Variants in FREM2 observed in about 807,000 individuals in gnomAD.
The protein encoded by FREM2 is FRAS1 related extracellular matrix 2, also known as FRAS1-related extracellular matrix protein 2.
FREM2 carries 119 observed loss-of-function variants against 219.9 expected under a neutral mutation model. The observed-to-expected ratio is 0.54, with a 90% CI of 0.47 to 0.63. The LOEUF is 0.63. Ranked by LOEUF, FREM2 falls within the 30% of genes least tolerant of loss-of-function variation. FREM2 has a pLI of 0.00. For synonymous variants in FREM2, 1,562 were observed against 1,522.8 expected, an observed-to-expected ratio of 1.03 and a Z score of -0.60; for missense variants, 4,030 against 3,993.6, an observed-to-expected ratio of 1.01 and a Z score of -0.25.
chr13:38,845,391 C>T (rs1033789970), intron 6 of FREM2, among the ~76,000 whole-genome samples: 2 of 152,096 alleles, frequency 1.3e-5, no homozygotes, highest in Non-Finnish European at 2.9e-5. Flanking sequence ...AGTGGCCTGC[C>T]TTCTTAAGGA....
Position 38,716,443 on chromosome 13 carries a change from A to G in FREM2, c.5263+18656A>G, listed in dbSNP as rs141970397. 3.8e-3 allele frequency among the ~76,000 whole-genome samples: 575 copies of G among 152,080 alleles called. 2 individuals are homozygous for G. Among genetic ancestry groups the G allele is most frequent in the African/African-American group, 0.013 (552 of 41,492 alleles). ...ATTCTCAGCTTAAACCTTCTCCTAT[A>G]TCTTTCTTTCCCATTCCCTTTCCTC... On this transcript the variant is annotated intron_variant, in intron 2 of 23. Coordinates refer to ENST00000280481, the MANE Select transcript of FREM2 (RefSeq NM_207361.6).
chr13:38,757,229 C>T (rs893288759), intron 2 of FREM2, among the ~76,000 whole-genome samples: 1 of 152,116 alleles, frequency 6.6e-6, no homozygotes, highest in Admixed American at 6.5e-5. Context: ...ATATATGTAA[C>T]CATATCATGT....
chr13:38,865,168 A>T (rs1200722716), intron 16 of FREM2, among the ~76,000 whole-genome samples: 2 of 152,132 alleles, frequency 1.3e-5, no homozygotes, highest in South Asian at 4.1e-4. Context: ...TCATTAACAT[A>T]GTCAGAAGTG....
intron 2 of FREM2, among the ~76,000 whole-genome samples, chr13:38,744,649 G>A (rs11841078): frequency 0.015 from 2,263 of 152,060 alleles, 28 homozygotes; most frequent in Non-Finnish European, 0.023. Context: ...CCACCACCAC[G>A]CCTGGCTAAG....
intron 18 of FREM2, among the ~76,000 whole-genome samples, chr13:38,875,233 A>G (rs1894107): frequency 0.17 from 26,062 of 151,454 alleles, 2,555 homozygotes; most frequent in Admixed American, 0.26. Context: ...GTTTAGTAAC[A>G]TGGAGAGTCA....
chr13:38,825,063 A>G (rs1593430278), intron 6 of FREM2, among the ~76,000 whole-genome samples: 1 of 152,218 alleles, frequency 6.6e-6, no homozygotes, highest in East Asian at 1.9e-4. Flanking sequence ...TGGTTTCAAT[A>G]ATACTGTCTA....
intron 6 of FREM2, among the ~76,000 whole-genome samples, chr13:38,823,633 C>T (rs1254188753): frequency 1.3e-5 from 2 of 152,012 alleles, no homozygotes; most frequent in Non-Finnish European, 2.9e-5. Context: ...CATCAGCTGG[C>T]TAACTCATAT....
intron 2 of FREM2, among the ~76,000 whole-genome samples, chr13:38,717,561 C>T (rs1272296496): frequency 6.6e-6 from 1 of 151,228 alleles, no homozygotes; most frequent in Non-Finnish European, 1.5e-5. Flanking sequence ...GGATTACAGG[C>T]ACACATCAAC....
At chr13:38,722,045 T>C (rs1241653256) in intron 2 of FREM2, among the ~76,000 whole-genome samples, 1 of 152,108 alleles carries the variant, frequency 6.6e-6, no homozygotes, top group East Asian at 1.9e-4. Context: ...TTAGAGGTAG[T>C]ATCTCACTCT....
At chr13:38,712,695 TACAC>T (rs539707234) in intron 2 of FREM2, among the ~76,000 whole-genome samples, 1 of 149,730 alleles carries the variant, frequency 6.7e-6, no homozygotes, top group South Asian at 2.1e-4. Context: ...CACACACAAG[TACAC>T]ACACAGACTT....
At chr13:38,794,935 A>G (rs915808955) in intron 6 of FREM2, among the ~76,000 whole-genome samples, 5 of 152,182 alleles carry the variant, frequency 3.3e-5, no homozygotes, top group Admixed American at 6.6e-5. Context: ...TGATATAGGT[A>G]TAAGTATCTT....
At chr13:38,803,529 T>C (rs540187207) in intron 6 of FREM2, among the ~76,000 whole-genome samples, 1 of 152,188 alleles carries the variant, frequency 6.6e-6, no homozygotes, top group Admixed American at 6.5e-5. Flanking sequence ...TCTTTGGTCC[T>C]CAGTACTTCA....
chr13:38,740,205 G>A (rs1436637393), intron 2 of FREM2, among the ~76,000 whole-genome samples: 1 of 152,138 alleles, frequency 6.6e-6, no homozygotes, highest in Non-Finnish European at 1.5e-5. Flanking sequence ...AATGTAAGTG[G>A]TAGAATAAGT....
At chr13:38,741,201 T>G (rs184412932) in intron 2 of FREM2, among the ~76,000 whole-genome samples, 266 of 152,266 alleles carry the variant, frequency 1.7e-3, no homozygotes, top group Admixed American at 3.4e-3. Flanking sequence ...ACACACTGCC[T>G]CTTAGGCCAA....
chr13:38,797,503 T>A (rs924546836), intron 6 of FREM2, among the ~76,000 whole-genome samples: 1 of 152,114 alleles, frequency 6.6e-6, no homozygotes, highest in Non-Finnish European at 1.5e-5. Context: ...TATTTTAAAT[T>A]TTACTTCCTT....
At chr13:38,722,352 G>A (rs1002887175) in intron 2 of FREM2, among the ~76,000 whole-genome samples, 7 of 150,162 alleles carry the variant, frequency 4.7e-5, no homozygotes, top group East Asian at 2.0e-4. Context: ...GAGCTATCTC[G>A]TCCAGCCCAA....
chr13:38,782,135 T>C (rs1383151690), intron 4 of FREM2, among the ~76,000 whole-genome samples: 2 of 152,208 alleles, frequency 1.3e-5, no homozygotes, highest in African/African-American at 4.8e-5. Context: ...AGGCTGTATC[T>C]GCTGTTCCAG....
chr13:38,698,247 A>G (rs962346067), intron 2 of FREM2, among the ~76,000 whole-genome samples: 2 of 152,200 alleles, frequency 1.3e-5, no homozygotes, highest in African/African-American at 2.4e-5. Flanking sequence ...TGCATTCACC[A>G]AGAAATCAGT....
chr13:38,878,075 T>G, intron 21 of FREM2, 59 bp from the exon 22 acceptor site: 1 of 1,350,786 alleles, frequency 7.4e-7, no homozygotes, highest in Non-Finnish European at 1.1e-6. Flanking sequence ...CTGTTTACAG[T>G]GTCACGTTGA....
Sources: allele counts gnomAD v4.1 joint callset (sites outside exome capture counted in the v4.1 genomes callset), GRCh38; gene constraint gnomAD v4.1.1; transcripts MANE v1.5; gene names NCBI Gene and HGNC (gene_info 2026-07-23, HGNC 2026-07-21).